Variants in CLUL1 observed in about 807,000 individuals in gnomAD.
CLUL1 encodes clusterin-like protein 1.
Under a neutral mutation model 49.4 loss-of-function variants are expected in CLUL1, and 43 were observed. The observed-to-expected ratio is 0.87, with a 90% CI of 0.68 to 1.12. The LOEUF (loss-of-function observed/expected upper bound fraction) is 1.12, where lower values mean the gene tolerates loss of function less well. Among genes scored for constraint, CLUL1 ranks in the 50% most tolerant of loss-of-function variants. The pLI, the probability that CLUL1 is intolerant of heterozygous loss-of-function variation, is 0.00. For synonymous variants in CLUL1, 192 were observed against 184.9 expected (o/e 1.04, Z -0.31); for missense variants, 486 against 544.4 (o/e 0.89, Z 1.07).
chr18:645,692 G>T (rs1315639954), intron 9 of CLUL1, among the ~76,000 whole-genome samples: 1 of 148,262 alleles, frequency 6.7e-6, no homozygotes, highest in Non-Finnish European at 1.5e-5. Flanking sequence ...TACTCGGGAG[G>T]CTGAGGCAGG....
Position 606,157 on chromosome 18 carries a change from G to A in CLUL1, c.-135-821G>A, listed in dbSNP as rs907189233. On this transcript the variant is annotated intron_variant, in intron 1 of 9. Coordinates refer to ENST00000692774, the MANE Select transcript of CLUL1 (RefSeq NM_001393344.1). This position sits in a 1 kb window ranked among gnomAD's most constrained non-coding sequence, Gnocchi z 4.1. ...ACCCCTCCCCCAGATGGTATTTAGC[G>A]CCTCTGGCTGGGAACGGCTTCCCCA... is the stretch of plus-strand genomic sequence containing the variant. 2.0e-5 allele frequency among the ~76,000 whole-genome samples: 3 copies of A among 152,044 alleles called. No individual in the cohort carries two copies. The highest frequency in any genetic ancestry group is 1.3e-4 in the Admixed American group (2 of 15,256).
At chr18:598,488 A>G (rs2072723531) in intron 1 of CLUL1, 2 of 398,506 alleles carry the variant, frequency 5.0e-6, no homozygotes, top group Non-Finnish European at 8.8e-6. Context: ...GTTCCTCTCT[A>G]ACATCCTCTA....
rs562864792 is a variant in CLUL1, at chr18:638,120, A to G, written c.995-3207A>G. Among the ~76,000 whole-genome samples the G allele has an allele frequency of 3.9e-4, 59 of 152,358 alleles. No homozygotes were observed. In the South Asian group the frequency reaches 0.011, roughly 29 times the overall value. On this transcript the variant is annotated intron_variant, in intron 7 of 9. Transcript: ENST00000692774. Reference sequence around the variant, plus strand: ...TATCTGCTTCGTACACATCTTTAGAAGTTTAAATAAAATGTCTGAAATATC... The same window carrying G: ...TATCTGCTTCGTACACATCTTTAGAGGTTTAAATAAAATGTCTGAAATATC...
rs565461142 is a variant in CLUL1, at chr18:619,198, C to G, written c.107-15C>G. ...TGATCAGATCTCAAAGAAAAAATTG[C>G]CACATGTCTTTTAGGTTTTTCTGAG... On this transcript the variant is annotated splice_polypyrimidine_tract_variant and intron_variant, in intron 3 of 9. Coordinates refer to ENST00000692774, the MANE Select transcript of CLUL1 (RefSeq NM_001393344.1). 1 of 1,606,980 alleles carries G rather than the reference C, an allele frequency of 6.2e-7. No individual in the cohort carries two copies. Among genetic ancestry groups the G allele is most frequent in the Non-Finnish European group, 8.5e-7 (1 of 1,178,066 alleles).
intron 4 of CLUL1, among the ~76,000 whole-genome samples, chr18:619,863 C>A (rs528603571): frequency 6.6e-6 from 1 of 152,114 alleles, no homozygotes; most frequent in Non-Finnish European, 1.5e-5. Flanking sequence ...GCTCCTACCA[C>A]CACGCCTGGC....
Position 645,078 on chromosome 18 carries a change from A to G in CLUL1, c.1378A>G (p.Lys460Glu). 6.2e-7 allele frequency: 1 copy of G among 1,605,268 alleles called. No individual in the cohort carries two copies. Among genetic ancestry groups the G allele is most frequent in the Non-Finnish European group, 8.5e-7 (1 of 1,176,430 alleles). ...AGTGGCAAAAGCTCTACAGCATTTT[A>G]AGGAACATTTTAAAACCTGGTAAGC... ...YVVAKALQHF[K>E]EHFKTW is the part of the protein sequence containing the mutation. Residue 460 changes from lysine to glutamate, a missense_variant, in exon 9 of 10, where the codon AAG (lysine) becomes GAG (glutamate). By Grantham distance (56) the Lys-to-Glu change is moderately conservative. Coordinates refer to ENST00000692774, the MANE Select transcript of CLUL1 (RefSeq NM_001393344.1).
intron 6 of CLUL1, among the ~76,000 whole-genome samples, chr18:627,812 CA>C (rs1441243602): frequency 2.0e-5 from 3 of 151,878 alleles, no homozygotes; most frequent in Non-Finnish European, 4.4e-5. Flanking sequence ...CCAGTTCCCT[CA>C]TTTATTATTT....
chr18:633,240 ACTT>A (rs2074037501), intron 6 of CLUL1, 55 bp from the exon 7 acceptor site: 3 of 1,477,674 alleles, frequency 2.0e-6, no homozygotes, highest in South Asian at 2.7e-5. Context: ...CATTGTCTCC[ACTT>A]CTTCAAAGTG....
intron 9 of CLUL1, among the ~76,000 whole-genome samples, chr18:646,474 C>G (rs1000039245): frequency 6.8e-6 from 1 of 147,098 alleles, no homozygotes; most frequent in Non-Finnish European, 1.5e-5. Flanking sequence ...TCCTATCCAA[C>G]AGGGGCACAA....
chr18:648,940 G>A (rs1186593283), intron 9 of CLUL1, among the ~76,000 whole-genome samples: 1 of 152,142 alleles, frequency 6.6e-6, no homozygotes, highest in Non-Finnish European at 1.5e-5. Flanking sequence ...TTACAGGCAT[G>A]AGCCACTGCC....
intron 7 of CLUL1, among the ~76,000 whole-genome samples, chr18:638,026 C>G: frequency 6.6e-6 from 1 of 151,994 alleles, no homozygotes; most frequent in East Asian, 1.9e-4. Flanking sequence ...AAAAGGAGTG[C>G]TCTCTCTCCT....
chr18:612,929 A>G (rs922183002), intron 2 of CLUL1: 1 of 193,276 alleles, frequency 5.2e-6, no homozygotes, highest in African/African-American at 2.3e-5. Context: ...GGAAATTTTA[A>G]ATGTACTTGA....
intron 9 of CLUL1, among the ~76,000 whole-genome samples, chr18:645,760 C>G (rs1163041832): frequency 8.1e-6 from 1 of 123,234 alleles, no homozygotes; most frequent in African/African-American, 3.1e-5. Flanking sequence ...CGCCACTGCA[C>G]TCCAGCCTGG....
intron 2 of CLUL1, among the ~76,000 whole-genome samples, chr18:608,717 C>G (rs1253011885): frequency 6.8e-6 from 1 of 146,544 alleles, no homozygotes; most frequent in African/African-American, 2.5e-5. Context: ...GACTCTGTCT[C>G]TAAACAAACA....
At chr18:637,544 C>G (rs534698529) in intron 7 of CLUL1, among the ~76,000 whole-genome samples, 1 of 152,138 alleles carries the variant, frequency 6.6e-6, no homozygotes, top group Non-Finnish European at 1.5e-5. Flanking sequence ...ACCTCTACCC[C>G]ACCTTAGAAT....
At chr18:647,419 G>A (rs548629412) in intron 9 of CLUL1, among the ~76,000 whole-genome samples, 1 of 152,138 alleles carries the variant, frequency 6.6e-6, no homozygotes, top group Non-Finnish European at 1.5e-5. Flanking sequence ...GATGGATACC[G>A]ACTCATGAGT....
At chr18:610,843 C>T (rs2073113128) in intron 2 of CLUL1, among the ~76,000 whole-genome samples, 1 of 151,988 alleles carries the variant, frequency 6.6e-6, no homozygotes, top group South Asian at 2.1e-4. Context: ...TCGAGACCAG[C>T]CTGGGAAACA....
At chr18:619,177 C>T (rs1180128666) in intron 3 of CLUL1, 36 bp from the exon 4 acceptor site, 7 of 1,600,828 alleles carry the variant, frequency 4.4e-6, no homozygotes, top group Non-Finnish European at 4.3e-6. Context: ...GTAATCTGAT[C>T]AGATCTCAAA....
rs1567976664 is a variant in CLUL1 at position 641,356 on chromosome 18, G to T, written c.1024G>T (p.Glu342Ter). The T allele has an allele frequency of 1.2e-6, 2 of 1,614,050 alleles. No homozygotes were observed. The highest frequency in any genetic ancestry group is 1.3e-5 in the African/African-American group (1 of 74,914). The change falls in exon 8 of 10, where the codon GAA becomes TAA. Residue 342 changes from glutamate (E) to a stop codon, truncating the protein, a stop_gained. Coordinates refer to ENST00000692774, the MANE Select transcript of CLUL1 (RefSeq NM_001393344.1). LOFTEE classifies it high-confidence loss of function. The part of the protein sequence containing the change: ...DCPDVPALHT[E>*]LDEAIRLVNV... ...TCCTGATGTACCTGCTCTGCACACA[G>T]AATTAGACGAGGCGATCAGGTTGGT...
Sources: allele counts gnomAD v4.1 joint callset (sites outside exome capture counted in the v4.1 genomes callset), GRCh38; gene constraint gnomAD v4.1.1; non-coding constraint Gnocchi (gnomAD v3.1); transcripts MANE v1.5; gene names NCBI Gene and HGNC (gene_info 2026-07-23, HGNC 2026-07-21).